Variants in RAB14 observed in about 807,000 individuals in gnomAD.
RAB14 encodes RAB14, member RAS oncogene family.
Under a neutral mutation model 31.1 loss-of-function variants are expected in RAB14, and 3 were observed. The observed-to-expected ratio is 0.10, with a 90% CI of 0.04 to 0.25. The LOEUF (loss-of-function observed/expected upper bound fraction) is 0.25, where lower values mean the gene tolerates loss of function less well. Among genes scored for constraint, RAB14 ranks in the 10% least tolerant of loss-of-function variants. The pLI, the probability that RAB14 is intolerant of heterozygous loss-of-function variation, is 1.00. For missense variants in RAB14, 111 were observed against 260.1 expected (o/e 0.43, Z 3.94); for synonymous variants, 85 against 84.9 (o/e 1.00, Z 0.00).
chr9:121,185,326 T>C (rs940078104), intron 5 of RAB14, among the ~76,000 whole-genome samples: 3 of 152,174 alleles, frequency 2.0e-5, no homozygotes, highest in South Asian at 2.1e-4. Flanking sequence ...TAGGATGTTA[T>C]GTAACTATAA....
At chr9:121,194,090 T>TCACACACACACACA (rs56275636) in intron 1 of RAB14, among the ~76,000 whole-genome samples, 2,392 of 141,200 alleles carry the variant, frequency 0.017, 27 homozygotes, top group Non-Finnish European at 0.021. Flanking sequence ...TTGCAGATTA[T>TCACACACACACACA]CACTCACACA....
chr9:121,198,494 T>G (rs946414901), intron 1 of RAB14, among the ~76,000 whole-genome samples: 7 of 152,206 alleles, frequency 4.6e-5, no homozygotes, highest in African/African-American at 1.7e-4. Flanking sequence ...ACTGTATAAT[T>G]TTTACATAGC....
intron 3 of RAB14, among the ~76,000 whole-genome samples, chr9:121,191,542 A>G (rs571525382): frequency 6.6e-6 from 1 of 152,252 alleles, no homozygotes; most frequent in East Asian, 1.9e-4. Flanking sequence ...CAAGTTATAT[A>G]TGTCTAAGCC....
intron 7 of RAB14, among the ~76,000 whole-genome samples, chr9:121,182,411 C>A (rs1325078016): frequency 6.6e-6 from 1 of 152,214 alleles, no homozygotes; most frequent in Non-Finnish European, 1.5e-5. Context: ...GTTAGCCTCT[C>A]CTCACCACAA....
intron 1 of RAB14, among the ~76,000 whole-genome samples, chr9:121,200,299 T>G (rs904691733): frequency 1.4e-4 from 22 of 152,370 alleles, no homozygotes; most frequent in Non-Finnish European, 3.1e-4. Flanking sequence ...AGGTCAAGTT[T>G]GTCTTCAACA....
In RAB14 at chr9:121,201,774, G is replaced by A. The variant is rs1298895802; in HGVS notation, c.-143C>T. 2 of 153,162 alleles carry A rather than the reference G, an allele frequency of 1.3e-5. No homozygotes were observed. Among genetic ancestry groups the A allele is most frequent in the African/African-American group, 2.4e-5 (1 of 41,470 alleles). 9.5% of individuals were successfully genotyped at this position (153,162 alleles called of 1,614,324 possible). A position where few individuals can be genotyped will look rare whatever the true frequency, so the allele number is the denominator to read the frequency against. ...GCCGGCAGGTACACTGGCAGGCCGAGAGGTGCAGACGCGCCGGCAGCAGTA... is the reference window on the plus strand; with the variant it reads ...GCCGGCAGGTACACTGGCAGGCCGAAAGGTGCAGACGCGCCGGCAGCAGTA... On this transcript the variant is annotated 5_prime_UTR_variant, in exon 1 of 8. Transcript: ENST00000373840.
intron 7 of RAB14, among the ~76,000 whole-genome samples, chr9:121,182,082 G>GTA (rs2053636728): frequency 2.0e-5 from 3 of 152,030 alleles, no homozygotes; most frequent in Non-Finnish European, 4.4e-5. Context: ...ACATACATAC[G>GTA]TGTACTGAAA....
At chr9:121,201,410 C>T (rs1177677426) in intron 1 of RAB14, among the ~76,000 whole-genome samples, 1 of 152,062 alleles carries the variant, frequency 6.6e-6, no homozygotes, top group Non-Finnish European at 1.5e-5. Context: ...GGGCAGGAGG[C>T]TCAGGCCGGA....
rs190786897 is a variant in RAB14, at chr9:121,180,782, A to G, written c.*614T>C. 5 of 152,802 alleles carry G rather than the reference A, an allele frequency of 3.3e-5. No homozygotes were observed. The highest frequency in any genetic ancestry group is 2.1e-4 in the South Asian group (1 of 4,830). The allele number at this position is 152,802 out of a possible 1,614,324, so 9.5% of individuals were successfully genotyped here. On this transcript the variant is annotated 3_prime_UTR_variant, in exon 8 of 8. Transcript: ENST00000373840. ...GTTAAAGAGAAAAGGATAAAATGGT[A>G]TAAAAAAAGATAAAGCTATTAATTA...
intron 4 of RAB14, among the ~76,000 whole-genome samples, chr9:121,189,445 C>A (rs746776951): frequency 2.0e-4 from 30 of 152,040 alleles, no homozygotes; most frequent in Non-Finnish European, 4.1e-4. Flanking sequence ...TCCCATAATA[C>A]TCTTGATCAT....
chr9:121,188,520 T>A (rs1000384046), intron 4 of RAB14, among the ~76,000 whole-genome samples: 1 of 151,458 alleles, frequency 6.6e-6, no homozygotes. Flanking sequence ...TATTCAAATA[T>A]TAATTGGTGG....
chr9:121,196,266 A>G (rs753588298), intron 1 of RAB14, among the ~76,000 whole-genome samples: 19 of 152,198 alleles, frequency 1.2e-4, no homozygotes, highest in Non-Finnish European at 2.4e-4. Context: ...CATTTTACAG[A>G]AAGTATTCGA....
rs1401532678 is a variant in RAB14 at position 121,178,698 on chromosome 9, AT to A, written c.*2697del. On this transcript the variant is annotated 3_prime_UTR_variant, in exon 8 of 8. Coordinates refer to ENST00000373840, the MANE Select transcript of RAB14 (RefSeq NM_016322.4). ...CGTGTAAACCACCAACCAAAAAAAA[AT>A]AATAAGTTACTCCATCAAACACGTT... 4 of 152,036 alleles carry A rather than the reference AT, an allele frequency of 2.6e-5. No individual in the cohort carries two copies. The highest frequency in any genetic ancestry group is 2.0e-4 in the Admixed American group (3 of 15,274). The allele number at this position is 152,036 out of a possible 1,614,324, so 9.4% of individuals were successfully genotyped here. A position where few individuals can be genotyped will look rare whatever the true frequency, so the allele number is the denominator to read the frequency against.
At chr9:121,200,613 T>C (rs1019324403) in intron 1 of RAB14, among the ~76,000 whole-genome samples, 1 of 152,178 alleles carries the variant, frequency 6.6e-6, no homozygotes, top group Non-Finnish European at 1.5e-5. Flanking sequence ...TCAGCTGTCA[T>C]CCAATGCGAA....
chr9:121,187,448 G>C (rs1180134232), intron 4 of RAB14, among the ~76,000 whole-genome samples: 1 of 151,982 alleles, frequency 6.6e-6, no homozygotes, highest in Non-Finnish European at 1.5e-5. Flanking sequence ...ACTTTTGCTT[G>C]TCTTTAAATT....
At chr9:121,193,814 G>A (rs1175004959) in intron 1 of RAB14, among the ~76,000 whole-genome samples, 1 of 152,016 alleles carries the variant, frequency 6.6e-6, no homozygotes, top group Non-Finnish European at 1.5e-5. Context: ...CCCCTTCCCT[G>A]TTAACTGATC....
Position 121,180,181 on chromosome 9 carries a change from G to A in RAB14, c.*1215C>T, listed in dbSNP as rs904454746. The A allele has an allele frequency of 6.6e-6, 1 of 152,596 alleles. No individual in the cohort carries two copies. Among genetic ancestry groups the A allele is most frequent in the Admixed American group, 6.5e-5 (1 of 15,284 alleles). The allele number at this position is 152,596 out of a possible 1,614,324, so 9.5% of individuals were successfully genotyped here. The stretch of plus-strand genomic sequence containing the variant: ...CACTGTGAACACAGGGATATCTTAA[G>A]TTATTTCACTGTAGGGTTAAAAATG... On this transcript the variant is annotated 3_prime_UTR_variant, in exon 8 of 8. Coordinates refer to ENST00000373840, the MANE Select transcript of RAB14 (RefSeq NM_016322.4).
In RAB14 at chr9:121,181,315, G is replaced by C; in HGVS notation, c.*81C>G. 7.5e-7 allele frequency: 1 copy of C among 1,341,804 alleles called. No individual in the cohort carries two copies. Among genetic ancestry groups the C allele is most frequent in the South Asian group, 1.8e-5 (1 of 56,242 alleles). 83.1% of individuals were successfully genotyped at this position (1,341,804 alleles called of 1,614,324 possible). ...TTAATTAAACCCAGTAAGATGTACA[G>C]AAGACAATGAGGCAGTAAAAAGTAC... On this transcript the variant is annotated 3_prime_UTR_variant, in exon 8 of 8. Transcript: ENST00000373840.
chr9:121,181,246 G>A lies in RAB14; in HGVS notation c.*150C>T, dbSNP rs2053631509. The A allele has an allele frequency of 2.7e-6, 2 of 752,838 alleles. No individual in the cohort carries two copies. Among genetic ancestry groups the A allele is most frequent in the East Asian group, 2.9e-5 (1 of 34,964 alleles). 46.6% of individuals were successfully genotyped at this position (752,838 alleles called of 1,614,324 possible). On this transcript the variant is annotated 3_prime_UTR_variant, in exon 8 of 8. Transcript: ENST00000373840. ...TTACATCTAGTTGTTTAGCAGTTTA[G>A]TATTGTGTTAAACTGTTTTTACAAC...
Sources: allele counts gnomAD v4.1 joint callset (sites outside exome capture counted in the v4.1 genomes callset), GRCh38; gene constraint gnomAD v4.1.1; transcripts MANE v1.5; gene names NCBI Gene and HGNC (gene_info 2026-07-23, HGNC 2026-07-21).